The following CDH12 variants were observed in gnomAD, a reference collection of about 807,000 sequenced individuals.
The protein encoded by CDH12 is cadherin 12, also known as cadherin-12.
A neutral mutation model predicts 74.1 loss-of-function variants in CDH12; 41 were observed. The ratio of observed to expected loss-of-function variants is 0.55; its 90% CI spans 0.43 to 0.72. The LOEUF (loss-of-function observed/expected upper bound fraction) is 0.72. Ranked by LOEUF, CDH12 falls within the 30% of genes least tolerant of loss-of-function variation. The pLI, the probability that CDH12 is intolerant of heterozygous loss-of-function variation, is 0.00. For synonymous variants in CDH12, 399 were observed against 355.0 expected (o/e 1.12, Z -1.39); for missense variants, 945 against 977.2 (o/e 0.97, Z 0.44).
At chr5:22,712,441 A>C (rs982150190) in intron 1 of CDH12, among the ~76,000 whole-genome samples, 26 of 151,932 alleles carry the variant, frequency 1.7e-4, no homozygotes, top group African/African-American at 5.8e-4. Flanking sequence ...TCCCCTTTTA[A>C]ATCTACTCTA....
At chr5:22,724,051 G>A (rs373320461) in intron 1 of CDH12, among the ~76,000 whole-genome samples, 20 of 151,618 alleles carry the variant, frequency 1.3e-4, no homozygotes, top group African/African-American at 1.9e-4. Flanking sequence ...AATTCTTAGC[G>A]TCACATAGGT....
intron 3 of CDH12, among the ~76,000 whole-genome samples, chr5:22,339,772 A>T (rs2150453408): frequency 6.6e-6 from 1 of 152,314 alleles, no homozygotes; most frequent in South Asian, 2.1e-4. Flanking sequence ...ACAGGGGAAA[A>T]GGAATAGATG....
At chr5:21,816,441 A>C (rs370518876) in intron 9 of CDH12, among the ~76,000 whole-genome samples, 1 of 151,562 alleles carries the variant, frequency 6.6e-6, no homozygotes, top group African/African-American at 2.4e-5. Context: ...CCTGACCAAC[A>C]TGGTGAAATC....
chr5:22,815,780 A>AT (rs1446122014), intron 1 of CDH12, among the ~76,000 whole-genome samples: 11 of 149,904 alleles, frequency 7.3e-5, no homozygotes, highest in South Asian at 2.1e-4. Context: ...AAAAAAAAAA[A>AT]AAAAATAAAT....
At chr5:22,772,580 C>A (rs1055674951) in intron 1 of CDH12, among the ~76,000 whole-genome samples, 3 of 151,982 alleles carry the variant, frequency 2.0e-5, no homozygotes, top group Non-Finnish European at 4.4e-5. Flanking sequence ...AAATTTAATT[C>A]CTGCTTGTAT....
At chr5:22,047,598 G>C (rs1036834536) in intron 5 of CDH12, among the ~76,000 whole-genome samples, 3 of 151,842 alleles carry the variant, frequency 2.0e-5, no homozygotes, top group African/African-American at 7.3e-5. Context: ...CACTCTGCTA[G>C]GTAAAGGAGA....
At chr5:22,486,025 G>A (rs768390491) in intron 2 of CDH12, among the ~76,000 whole-genome samples, 3 of 152,126 alleles carry the variant, frequency 2.0e-5, no homozygotes, top group Admixed American at 1.3e-4. Context: ...CAGGACCAAC[G>A]CAGCTGGAAA....
At chr5:22,268,065 T>G (rs1482729139) in intron 3 of CDH12, among the ~76,000 whole-genome samples, 3 of 152,046 alleles carry the variant, frequency 2.0e-5, no homozygotes, top group Non-Finnish European at 4.4e-5. Context: ...TTGGAATAAT[T>G]AAAATATACA....
intron 4 of CDH12, among the ~76,000 whole-genome samples, chr5:22,101,282 G>C (rs908585646): frequency 1.3e-5 from 2 of 151,670 alleles, no homozygotes; most frequent in African/African-American, 2.4e-5. Flanking sequence ...GTAATTATTT[G>C]AACATTTTAT....
At chr5:22,228,830 A>G (rs1752283891) in intron 3 of CDH12, among the ~76,000 whole-genome samples, 1 of 152,176 alleles carries the variant, frequency 6.6e-6, no homozygotes. Context: ...TCTAATTAAA[A>G]TTATAGCCTC....
chr5:22,212,030 T>C (rs1751574157), intron 4 of CDH12, among the ~76,000 whole-genome samples: 1 of 151,240 alleles, frequency 6.6e-6, no homozygotes, highest in African/African-American at 2.4e-5. Flanking sequence ...AGGGATTTAG[T>C]CCTAAATCCT....
At chr5:22,110,284 C>G (rs945040153) in intron 4 of CDH12, among the ~76,000 whole-genome samples, 1 of 152,152 alleles carries the variant, frequency 6.6e-6, no homozygotes, top group African/African-American at 2.4e-5. Context: ...GGTCCTTCTT[C>G]AGGGTGAACC....
intron 5 of CDH12, among the ~76,000 whole-genome samples, chr5:22,062,063 AAAG>A (rs1222105677): frequency 6.6e-6 from 1 of 152,134 alleles, no homozygotes; most frequent in African/African-American, 2.4e-5. Context: ...AAGGAAGAAA[AAAG>A]AAAATAAACA....
At chr5:22,214,863 C>A (rs893220692) in intron 3 of CDH12, among the ~76,000 whole-genome samples, 2 of 152,166 alleles carry the variant, frequency 1.3e-5, no homozygotes, top group African/African-American at 4.8e-5. Context: ...TCTTTCAAAA[C>A]CCTGAATGGT....
At chr5:22,446,315 C>A (rs1168406858) in intron 2 of CDH12, among the ~76,000 whole-genome samples, 1 of 152,072 alleles carries the variant, frequency 6.6e-6, no homozygotes, top group Non-Finnish European at 1.5e-5. Context: ...ACTTCAAACC[C>A]TTTCTAACTT....
intron 5 of CDH12, among the ~76,000 whole-genome samples, chr5:22,078,071 T>C (rs10057799): frequency 0.31 from 47,584 of 151,888 alleles, 8,538 homozygotes; most frequent in African/African-American, 0.5. Context: ...TATTGCTAAA[T>C]ATCTCCAATT....
chr5:21,815,856 C>G (rs548152732), intron 9 of CDH12, among the ~76,000 whole-genome samples: 1 of 152,098 alleles, frequency 6.6e-6, no homozygotes, highest in Non-Finnish European at 1.5e-5. Context: ...AGAGTTACTT[C>G]TCAATCTTGT....
rs143270348 is a variant in CDH12 at position 22,019,801 on chromosome 5, C to T, written c.232-44416G>A. Among the ~76,000 whole-genome samples, 741 of 152,242 alleles carry T rather than the reference C, an allele frequency of 4.9e-3. 2 individuals carry two copies. Among genetic ancestry groups the T allele is most frequent in the Non-Finnish European group, 7.0e-3 (478 of 68,008 alleles). On this transcript the variant is annotated intron_variant, in intron 5 of 14. Coordinates refer to ENST00000382254, the MANE Select transcript of CDH12 (RefSeq NM_004061.5). ...TGGATGCTGCATTCTTTGGATAAAACCATCAATAATTAATGATGCCTTGAG... is the reference window on the plus strand; with the variant it reads ...TGGATGCTGCATTCTTTGGATAAAATCATCAATAATTAATGATGCCTTGAG...
At chr5:22,610,030 C>A (rs1022850454) in intron 1 of CDH12, among the ~76,000 whole-genome samples, 9 of 152,238 alleles carry the variant, frequency 5.9e-5, no homozygotes, top group Admixed American at 5.9e-4. Context: ...TCTGCCTGGG[C>A]AAATTGCTAA....
Sources: gnomAD v4.1 joint callset for allele counts (sites outside exome capture counted in the v4.1 genomes callset) on GRCh38, gnomAD v4.1.1 for gene constraint, MANE v1.5 for transcripts, NCBI Gene and HGNC (gene_info 2026-07-23, HGNC 2026-07-21) for gene names.